MAPK10: variants seen among roughly 807,000 people sequenced by gnomAD.
MAPK10 encodes the protein JNK3 alpha protein kinase.
MAPK10 carries 25 observed loss-of-function variants against 59.3 expected under a neutral mutation model. The ratio of observed to expected loss-of-function variants is 0.42; its 90% CI spans 0.31 to 0.59. MAPK10 has a LOEUF of 0.59. MAPK10 is among the 20% of genes least tolerant of loss of function. The probability of loss-of-function intolerance (pLI) is 0.15; values close to 1 mark genes in which losing one functional copy is unlikely to be tolerated. For synonymous variants in MAPK10, 190 were observed against 200.5 expected, an observed-to-expected ratio of 0.95 and a Z score of 0.44; for missense variants, 351 against 568.9, an observed-to-expected ratio of 0.62 and a Z score of 3.90.
intron 1 of MAPK10, among the ~76,000 whole-genome samples, chr4:86,548,441 A>C (rs1290530760): frequency 6.6e-6 from 1 of 152,180 alleles, no homozygotes; most frequent in East Asian, 1.9e-4. Flanking sequence ...AATTCCGGAC[A>C]CAATAGTAGA....
At chr4:86,339,205 G>A (rs1264342330) in intron 2 of MAPK10, among the ~76,000 whole-genome samples, 1 of 152,144 alleles carries the variant, frequency 6.6e-6, no homozygotes, top group Non-Finnish European at 1.5e-5. Context: ...ACTTCCTGGG[G>A]CCTCAGGCAG....
chr4:86,029,062 A>G, intron 13 of MAPK10, 135 bp downstream of exon 13: 1 of 757,688 alleles, frequency 1.3e-6, no homozygotes, highest in Non-Finnish European at 2.4e-6. Flanking sequence ...AACTAAAATC[A>G]TTATAAGGAC....
At chr4:86,239,468 G>C (rs746024529) in intron 2 of MAPK10, among the ~76,000 whole-genome samples, 1 of 151,970 alleles carries the variant, frequency 6.6e-6, no homozygotes, top group Admixed American at 6.6e-5. Flanking sequence ...CTGTGAATCC[G>C]TCTGGTCCTG....
chr4:86,341,990 T>C (rs887042492), intron 2 of MAPK10, among the ~76,000 whole-genome samples: 1 of 152,104 alleles, frequency 6.6e-6, no homozygotes, highest in African/African-American at 2.4e-5. Context: ...TGTAAAATAA[T>C]AGAACTTGGA....
At chr4:86,413,269 C>G (rs1025444753) in intron 1 of MAPK10, among the ~76,000 whole-genome samples, 9 of 152,278 alleles carry the variant, frequency 5.9e-5, no homozygotes, top group African/African-American at 2.2e-4. Flanking sequence ...CCTGATCCTT[C>G]CTCTGGAATC....
chr4:86,580,939 G>A (rs1762220692), intron 1 of MAPK10, among the ~76,000 whole-genome samples: 1 of 152,156 alleles, frequency 6.6e-6, no homozygotes, highest in Admixed American at 6.6e-5. Flanking sequence ...GAAATCAAAG[G>A]AAGGTGAGAG....
intron 1 of MAPK10, among the ~76,000 whole-genome samples, chr4:86,505,749 A>T (rs1054557560): frequency 3.4e-4 from 52 of 152,148 alleles, no homozygotes; most frequent in African/African-American, 1.1e-3. Flanking sequence ...ATATCCTATG[A>T]AGGCACTGAA....
At chr4:86,434,012 A>C (rs1271106952) in intron 1 of MAPK10, among the ~76,000 whole-genome samples, 2 of 152,230 alleles carry the variant, frequency 1.3e-5, no homozygotes, top group Non-Finnish European at 2.9e-5. Flanking sequence ...ATGTGTATGT[A>C]TGTGACTCAG....
intron 1 of MAPK10, among the ~76,000 whole-genome samples, chr4:86,505,587 T>TA (rs576518924): frequency 3.2e-4 from 48 of 150,142 alleles, no homozygotes; most frequent in East Asian, 2.1e-3. Flanking sequence ...ACCCTGTTTT[T>TA]AAAAAAAAAA....
chr4:86,144,661 T>C (rs1303398727), intron 4 of MAPK10, among the ~76,000 whole-genome samples: 1 of 152,186 alleles, frequency 6.6e-6, no homozygotes, highest in African/African-American at 2.4e-5. Flanking sequence ...AGGCCTTATA[T>C]AAACTCTGAG....
At chr4:86,316,497 T>C (rs2095791128) in intron 2 of MAPK10, among the ~76,000 whole-genome samples, 1 of 152,144 alleles carries the variant, frequency 6.6e-6, no homozygotes, top group African/African-American at 2.4e-5. Context: ...AACTTCAATG[T>C]ATGTCTCTGA....
At chr4:86,391,330 G>A (rs1254810925) in intron 1 of MAPK10, among the ~76,000 whole-genome samples, 1 of 152,168 alleles carries the variant, frequency 6.6e-6, no homozygotes, top group Non-Finnish European at 1.5e-5. Context: ...TAAGATTAGA[G>A]CAAATGGAAA....
chr4:86,373,530 C>T (rs909394628), intron 1 of MAPK10, among the ~76,000 whole-genome samples: 2 of 152,134 alleles, frequency 1.3e-5, no homozygotes, highest in African/African-American at 4.8e-5. Flanking sequence ...GACTAATATC[C>T]TGAATCTACA....
chr4:86,488,604 A>G (rs1287465265), intron 1 of MAPK10, among the ~76,000 whole-genome samples: 4 of 152,100 alleles, frequency 2.6e-5, no homozygotes, highest in African/African-American at 9.7e-5. Context: ...TCCCTTTCCC[A>G]GTGATTTTTG....
intron 1 of MAPK10, among the ~76,000 whole-genome samples, chr4:86,502,322 C>T (rs186907010): frequency 1.3e-5 from 2 of 152,142 alleles, no homozygotes; most frequent in East Asian, 3.9e-4. Context: ...TCCCCCAACT[C>T]GCTCCTGAAG....
At chr4:86,209,904 T>C (rs1333212479) in intron 2 of MAPK10, among the ~76,000 whole-genome samples, 5 of 152,018 alleles carry the variant, frequency 3.3e-5, no homozygotes, top group Non-Finnish European at 5.9e-5. Flanking sequence ...ACCAAAGCTG[T>C]ATGGTGCTGG....
At chr4:86,381,744 A>G (rs1740745848) in intron 1 of MAPK10, among the ~76,000 whole-genome samples, 1 of 152,174 alleles carries the variant, frequency 6.6e-6, no homozygotes, top group African/African-American at 2.4e-5. Flanking sequence ...CATAGTTTAA[A>G]AGGATAATTT....
At chr4:86,050,386 TA>T (rs2043282186) in intron 11 of MAPK10, among the ~76,000 whole-genome samples, 2 of 152,142 alleles carry the variant, frequency 1.3e-5, no homozygotes, top group African/African-American at 2.4e-5. Flanking sequence ...AACAAAAGTT[TA>T]AGTGAATGAA....
intron 1 of MAPK10, among the ~76,000 whole-genome samples, chr4:86,570,074 T>C (rs190438502): frequency 4.8e-4 from 73 of 152,192 alleles, no homozygotes; most frequent in African/African-American, 1.6e-3. Flanking sequence ...ATATCTTCAT[T>C]GCTTAAAACA....
Sources: allele counts gnomAD v4.1 joint callset (sites outside exome capture counted in the v4.1 genomes callset), GRCh38; gene constraint gnomAD v4.1.1; transcripts MANE v1.5; gene names NCBI Gene and HGNC (gene_info 2026-07-23, HGNC 2026-07-21).